Variants in VPS13D observed in about 807,000 individuals in gnomAD.
VPS13D encodes the protein intermembrane lipid transfer protein VPS13D.
In VPS13D, 187 loss-of-function variants were observed where a neutral mutation model predicts 461.9. The observed-to-expected ratio is 0.40, with a 90% CI of 0.36 to 0.46. VPS13D has a LOEUF of 0.46. Among genes scored for constraint, VPS13D ranks in the 20% least tolerant of loss-of-function variants. The probability of loss-of-function intolerance (pLI) is 0.60; values close to 1 mark genes in which losing one functional copy is unlikely to be tolerated. For synonymous variants in VPS13D, 1,951 were observed against 1,986.3 expected (o/e 0.98, Z 0.47); for missense variants, 4,711 against 5,364.9 (o/e 0.88, Z 3.81).
intron 67 of VPS13D, among the ~76,000 whole-genome samples, chr1:12,484,989 T>A (rs756382444): frequency 2.0e-5 from 3 of 152,236 alleles, no homozygotes; most frequent in Non-Finnish European, 4.4e-5. Context: ...TGTGTGTGTG[T>A]GTCTTTGTGT....
chr1:12,368,418 A>G, intron 52 of VPS13D, 50 bp from the exon 53 acceptor site: 1 of 1,554,792 alleles, frequency 6.4e-7, no homozygotes, highest in Non-Finnish European at 8.7e-7. Flanking sequence ...AGTGGATGGC[A>G]TCTTGTCTCC....
intron 60 of VPS13D, 139 bp from the exon 61 acceptor site, chr1:12,400,042 C>A: frequency 1.1e-6 from 1 of 877,352 alleles, no homozygotes; most frequent in Non-Finnish European, 1.7e-6. Flanking sequence ...CTTTTGTGAA[C>A]TGCTATTGAG....
intron 67 of VPS13D, among the ~76,000 whole-genome samples, chr1:12,485,663 T>G (rs568113174): frequency 6.6e-6 from 1 of 152,270 alleles, no homozygotes; most frequent in South Asian, 2.1e-4. Flanking sequence ...AAAAAGGTTG[T>G]TGGGGGGGTG....
chr1:12,420,671 C>T (rs780714798), intron 65 of VPS13D, among the ~76,000 whole-genome samples: 22 of 152,286 alleles, frequency 1.4e-4, no homozygotes, highest in South Asian at 2.1e-4. Flanking sequence ...TATAGACATA[C>T]GTTTGTACAT....
Position 12,356,067 on chromosome 1 carries a change from C to T in VPS13D, c.9848C>T (p.Pro3283Leu), listed in dbSNP as rs1643883326. 6.2e-7 allele frequency: 1 copy of T among 1,611,402 alleles called. No individual in the cohort carries two copies. Among genetic ancestry groups the T allele is most frequent in the South Asian group, 1.1e-5 (1 of 90,832 alleles). Residue 3283 changes from proline (P) to leucine (L), a missense_variant, in exon 48 of 70, where the codon CCA (proline) becomes CTA (leucine). Pro to Leu is a moderately conservative substitution (Grantham distance 98). Coordinates refer to ENST00000620676, the MANE Select transcript of VPS13D (RefSeq NM_015378.4). ...TCCTTAAAGATCTTCATTTCTGCTC[C>T]ATATTGGCTGATTAACAAAACAGGT... The part of the protein sequence containing the change: ...EGSLKIFISA[P>L]YWLINKTGLP...
intron 41 of VPS13D, among the ~76,000 whole-genome samples, chr1:12,342,520 ACCTCCC>A (rs1332997357): frequency 6.6e-6 from 1 of 152,036 alleles, no homozygotes; most frequent in African/African-American, 2.4e-5. Flanking sequence ...CATTTCTCCG[ACCTCCC>A]CCAAGTATGA....
intron 14 of VPS13D, 117 bp from the exon 15 acceptor site, chr1:12,267,728 T>G: frequency 6.7e-6 from 6 of 897,864 alleles, no homozygotes; most frequent in Non-Finnish European, 1.1e-5. Flanking sequence ...TGAGGTAAAG[T>G]GAGTTTTGAT....
chr1:12,371,414 G>A (rs12066242), intron 54 of VPS13D, among the ~76,000 whole-genome samples: 11,902 of 144,140 alleles, frequency 0.083, 741 homozygotes, highest in African/African-American at 0.17. Context: ...TTTTGAGACC[G>A]AGTTTTGCTC....
intron 1 of VPS13D, among the ~76,000 whole-genome samples, chr1:12,231,400 C>T (rs1471265937): frequency 1.3e-5 from 2 of 152,182 alleles, no homozygotes; most frequent in Non-Finnish European, 2.9e-5. Flanking sequence ...TGTTACTGAC[C>T]AGGTTGCCTC....
At chr1:12,414,483 T>A (rs556272683) in intron 63 of VPS13D, among the ~76,000 whole-genome samples, 1 of 151,694 alleles carries the variant, frequency 6.6e-6, no homozygotes, top group East Asian at 2.0e-4. Flanking sequence ...AACCCCCATA[T>A]GTAATGTTGT....
intron 59 of VPS13D, among the ~76,000 whole-genome samples, chr1:12,385,856 T>A (rs1385509640): frequency 2.6e-5 from 4 of 152,210 alleles, no homozygotes; most frequent in African/African-American, 9.6e-5. Context: ...GATAACAGAT[T>A]ATGAGCTTTC....
intron 66 of VPS13D, among the ~76,000 whole-genome samples, chr1:12,459,825 G>A (rs1217491020): frequency 6.6e-6 from 1 of 151,988 alleles, no homozygotes; most frequent in Non-Finnish European, 1.5e-5. Flanking sequence ...TTTCCCCGAA[G>A]GCCCAATTTT....
At chr1:12,469,563 G>C (rs2100445710) in intron 67 of VPS13D, among the ~76,000 whole-genome samples, 1 of 152,316 alleles carries the variant, frequency 6.6e-6, no homozygotes, top group Non-Finnish European at 1.5e-5. Context: ...TACAGTGATT[G>C]ATAATCCATC....
At chr1:12,412,455 G>GC (rs1644742031) in intron 63 of VPS13D, among the ~76,000 whole-genome samples, 5 of 152,322 alleles carry the variant, frequency 3.3e-5, no homozygotes, top group African/African-American at 1.2e-4. Flanking sequence ...TTAGTAGAAA[G>GC]CAGAGCAAAG....
intron 67 of VPS13D, among the ~76,000 whole-genome samples, chr1:12,492,210 G>T (rs1183762610): frequency 6.6e-6 from 1 of 152,224 alleles, no homozygotes; most frequent in Non-Finnish European, 1.5e-5. Context: ...TGCTGCTGTA[G>T]CACCAATGGC....
intron 65 of VPS13D, 57 bp downstream of exon 65, chr1:12,416,884 C>T (rs140259348): frequency 3.4e-6 from 5 of 1,490,204 alleles, no homozygotes; most frequent in Non-Finnish European, 4.5e-6. Context: ...CTCTACAGTA[C>T]TACAATTTCT....
intron 67 of VPS13D, among the ~76,000 whole-genome samples, chr1:12,472,401 A>G (rs932672867): frequency 6.6e-6 from 1 of 152,076 alleles, no homozygotes; most frequent in African/African-American, 2.4e-5. Context: ...CCTTTTAACC[A>G]ATCTTCCTGT....
At chr1:12,497,676 G>A (rs767780881) in intron 68 of VPS13D, 45 bp downstream of exon 68, 10 of 1,578,136 alleles carry the variant, frequency 6.3e-6, no homozygotes, top group Admixed American at 5.3e-5. Context: ...CTACTGAGTT[G>A]CCTCTTCTTT....
At chr1:12,317,143 T>C (rs1642910431) in intron 30 of VPS13D, among the ~76,000 whole-genome samples, 2 of 152,140 alleles carry the variant, frequency 1.3e-5, no homozygotes, top group Admixed American at 1.3e-4. Flanking sequence ...CTAGTGTGTG[T>C]AAACTTGGTA....
Sources: gnomAD v4.1 joint callset for allele counts (sites outside exome capture counted in the v4.1 genomes callset) on GRCh38, gnomAD v4.1.1 for gene constraint, MANE v1.5 for transcripts, NCBI Gene and HGNC (gene_info 2026-07-23, HGNC 2026-07-21) for gene names.